Variants in NEGR1 observed in about 807,000 individuals in gnomAD.
NEGR1 encodes the protein IgLON family member 4.
In NEGR1, 10 loss-of-function variants were observed where a neutral mutation model predicts 40.9. The observed-to-expected ratio is 0.24, with a 90% confidence interval of 0.15 to 0.42. The LOEUF (loss-of-function observed/expected upper bound fraction) is 0.42, where lower values mean the gene tolerates loss of function less well. Ranked by LOEUF, NEGR1 falls within the 10% of genes least tolerant of loss-of-function variation. NEGR1 has a pLI of 1.00. For synonymous variants in NEGR1, 185 were observed against 166.8 expected, an observed-to-expected ratio of 1.11 and a Z score of -0.84; for missense variants, 352 against 438.9, an observed-to-expected ratio of 0.80 and a Z score of 1.77.
At chr1:72,164,331 T>C (rs1019230657) in intron 1 of NEGR1, among the ~76,000 whole-genome samples, 3 of 151,868 alleles carry the variant, frequency 2.0e-5, no homozygotes, top group Non-Finnish European at 1.5e-5. Flanking sequence ...TATTTTGTGA[T>C]AGAAGCAGGA....
intron 4 of NEGR1, among the ~76,000 whole-genome samples, chr1:71,684,672 T>C (rs57640606): frequency 6.6e-6 from 1 of 152,344 alleles, no homozygotes; most frequent in East Asian, 1.9e-4. Context: ...GAGAGGAAGA[T>C]GAAGTATCAG....
chr1:71,861,041 T>G (rs1478270855), intron 2 of NEGR1, among the ~76,000 whole-genome samples: 1 of 152,072 alleles, frequency 6.6e-6, no homozygotes, highest in Non-Finnish European at 1.5e-5. Context: ...ACTGCTTATT[T>G]TCATCTCACC....
chr1:71,813,358 A>G (rs1658074736), intron 2 of NEGR1, among the ~76,000 whole-genome samples: 1 of 151,958 alleles, frequency 6.6e-6, no homozygotes, highest in Non-Finnish European at 1.5e-5. Flanking sequence ...TTTGAAGTCA[A>G]ATAGCATGAT....
At chr1:71,492,753 T>C (rs1420602355) in intron 6 of NEGR1, among the ~76,000 whole-genome samples, 1 of 152,118 alleles carries the variant, frequency 6.6e-6, no homozygotes, top group Non-Finnish European at 1.5e-5. Context: ...AATCTCAGAA[T>C]CCACTGGGAG....
chr1:71,626,017 A>C (rs1650762093), intron 4 of NEGR1, among the ~76,000 whole-genome samples: 1 of 151,532 alleles, frequency 6.6e-6, no homozygotes, highest in South Asian at 2.1e-4. Flanking sequence ...CATGTGAGGA[A>C]TGTAAGCTGC....
intron 4 of NEGR1, among the ~76,000 whole-genome samples, chr1:71,632,651 C>A (rs1377432431): frequency 3.3e-5 from 5 of 151,758 alleles, no homozygotes; most frequent in Non-Finnish European, 7.4e-5. Context: ...TCCATAAGTA[C>A]ATTATGCCTC....
At chr1:71,954,500 C>G (rs1646100410) in intron 1 of NEGR1, among the ~76,000 whole-genome samples, 2 of 151,650 alleles carry the variant, frequency 1.3e-5, no homozygotes, top group South Asian at 4.2e-4. Context: ...CATAGTAACC[C>G]TCTGAAGTAT....
chr1:71,670,961 A>T (rs950913419), intron 4 of NEGR1, among the ~76,000 whole-genome samples: 1 of 151,974 alleles, frequency 6.6e-6, no homozygotes, highest in Non-Finnish European at 1.5e-5. Flanking sequence ...CCTTTAAATA[A>T]TTTTTTTGGT....
At chr1:71,448,246 G>A (rs1646596998) in intron 6 of NEGR1, among the ~76,000 whole-genome samples, 3 of 135,846 alleles carry the variant, frequency 2.2e-5, no homozygotes, top group East Asian at 2.1e-4. Flanking sequence ...AAAAAAAAAA[G>A]ACACAGAGAG....
chr1:72,275,169 A>T, intron 1 of NEGR1: 1 of 629,508 alleles, frequency 1.6e-6, no homozygotes, highest in Non-Finnish European at 2.9e-6. Context: ...TCTAATTGAA[A>T]TTAAAATGAC....
chr1:71,495,067 C>T (rs1646952808), intron 6 of NEGR1, among the ~76,000 whole-genome samples: 1 of 152,078 alleles, frequency 6.6e-6, no homozygotes, highest in Admixed American at 6.6e-5. Context: ...ACTTTGTAAT[C>T]AAAATACAGT....
intron 2 of NEGR1, among the ~76,000 whole-genome samples, chr1:71,817,557 G>A (rs796841845): frequency 3.9e-5 from 6 of 151,942 alleles, no homozygotes; most frequent in African/African-American, 1.4e-4. Flanking sequence ...GGACTAGATC[G>A]AGGAAGCAGG....
intron 2 of NEGR1, among the ~76,000 whole-genome samples, chr1:71,919,177 C>G (rs1661686504): frequency 6.6e-6 from 1 of 152,168 alleles, no homozygotes; most frequent in Admixed American, 6.5e-5. Context: ...GCTGGATTCT[C>G]TTTCTCAAGT....
At chr1:71,663,274 T>C (rs566358971) in intron 4 of NEGR1, among the ~76,000 whole-genome samples, 2 of 152,236 alleles carry the variant, frequency 1.3e-5, no homozygotes, top group Non-Finnish European at 2.9e-5. Context: ...AGTTTTTTTA[T>C]AGTGGTTACG....
chr1:71,602,442 G>C (rs1419606485), intron 5 of NEGR1, among the ~76,000 whole-genome samples: 1 of 146,574 alleles, frequency 6.8e-6, no homozygotes, highest in Non-Finnish European at 1.5e-5. Flanking sequence ...TAGTAGAGAC[G>C]GGGTTTCACC....
intron 6 of NEGR1, among the ~76,000 whole-genome samples, chr1:71,548,291 G>T (rs1449899528): frequency 6.6e-6 from 1 of 151,586 alleles, no homozygotes; most frequent in African/African-American, 2.4e-5. Flanking sequence ...GTAGGCTCAG[G>T]GATCCTTTCT....
intron 1 of NEGR1, among the ~76,000 whole-genome samples, chr1:72,274,175 G>A (rs979363393): frequency 1.3e-5 from 2 of 151,838 alleles, no homozygotes; most frequent in Non-Finnish European, 2.9e-5. Flanking sequence ...CTTTATGTTC[G>A]ATTCCTCTCC....
intron 6 of NEGR1, among the ~76,000 whole-genome samples, chr1:71,548,115 C>T (rs1285182960): frequency 6.6e-6 from 1 of 151,664 alleles, no homozygotes; most frequent in Non-Finnish European, 1.5e-5. Flanking sequence ...TCATGAGAGA[C>T]CTTGAATTAG....
intron 2 of NEGR1, among the ~76,000 whole-genome samples, chr1:71,832,956 G>A (rs1422795158): frequency 6.6e-6 from 1 of 151,828 alleles, no homozygotes; most frequent in Non-Finnish European, 1.5e-5. Context: ...TATATATTTG[G>A]GAACTCAAAA....
Sources: gnomAD v4.1 joint callset for allele counts (sites outside exome capture counted in the v4.1 genomes callset) on GRCh38, gnomAD v4.1.1 for gene constraint, MANE v1.5 for transcripts, NCBI Gene and HGNC (gene_info 2026-07-23, HGNC 2026-07-21) for gene names.